MAP2K5: variants seen among roughly 807,000 people sequenced by gnomAD.
MAP2K5 encodes the protein dual specificity mitogen-activated protein kinase kinase 5.
A neutral mutation model predicts 83.1 loss-of-function variants in MAP2K5; 49 were observed. That is an observed-to-expected ratio of 0.59 (90% CI 0.47 to 0.75). MAP2K5 has a LOEUF of 0.75. MAP2K5 is among the 30% of genes least tolerant of loss of function. The probability of loss-of-function intolerance (pLI) is 0.00; values close to 1 mark genes in which losing one functional copy is unlikely to be tolerated. For missense variants in MAP2K5, 457 were observed against 557.5 expected, an observed-to-expected ratio of 0.82 and a Z score of 1.82; for synonymous variants, 202 against 191.8, an observed-to-expected ratio of 1.05 and a Z score of -0.44.
intron 1 of MAP2K5, chr15:67,546,510 G>A (rs1001515898): frequency 4.7e-5 from 39 of 834,464 alleles, no homozygotes; most frequent in African/African-American, 1.3e-4. Flanking sequence ...CAAGTCAGTC[G>A]GTCTCTCTGG....
rs1349702779 is a variant in MAP2K5 at position 67,637,323 on chromosome 15, T to G, written c.585+6396T>G. ...ACCCTGACTAATACAGAGATGGTATTTAGTTACTTTTGAATAATTTGATTC... is the reference window on the plus strand; with the variant it reads ...ACCCTGACTAATACAGAGATGGTATGTAGTTACTTTTGAATAATTTGATTC... On this transcript the variant is annotated intron_variant, in intron 9 of 21. Coordinates refer to ENST00000178640, the MANE Select transcript of MAP2K5 (RefSeq NM_145160.3). This position sits in a 1 kb window ranked among gnomAD's most constrained non-coding sequence, Gnocchi z 4.5. Among the ~76,000 whole-genome samples, 1 of 152,196 alleles carries G rather than the reference T, an allele frequency of 6.6e-6. No homozygotes were observed. The highest frequency in any genetic ancestry group is 1.5e-5 in the Non-Finnish European group (1 of 68,034).
chr15:67,681,801 G>A (rs1433067939), intron 13 of MAP2K5, among the ~76,000 whole-genome samples: 3 of 152,148 alleles, frequency 2.0e-5, no homozygotes, highest in Non-Finnish European at 4.4e-5. Flanking sequence ...CACCTCATTT[G>A]TATTTTCTTT....
intron 16 of MAP2K5, among the ~76,000 whole-genome samples, chr15:67,714,546 G>C (rs569399404): frequency 6.6e-6 from 1 of 151,758 alleles, no homozygotes; most frequent in South Asian, 2.1e-4. Flanking sequence ...TGGTCCGAGG[G>C]GTGACGGATG....
chr15:67,671,584 ATAAT>A (rs1303691059), intron 13 of MAP2K5, among the ~76,000 whole-genome samples: 1 of 152,224 alleles, frequency 6.6e-6, no homozygotes, highest in Non-Finnish European at 1.5e-5. Flanking sequence ...ATGAAGTATT[ATAAT>A]TAATAAGGAA....
chr15:67,622,530 A>AT lies in MAP2K5; in HGVS notation c.546-8347dup, dbSNP rs202246966. 6.0e-3 allele frequency among the ~76,000 whole-genome samples: 890 copies of AT among 148,274 alleles called. 8 individuals are homozygous for AT. The highest frequency in any genetic ancestry group is 0.018 in the African/African-American group (724 of 40,684). ...AAGTTAATGAATTAAATGCATGTGG[A>AT]TTTTTTTTTTTGTAAAACACTATCC... On this transcript the variant is annotated intron_variant, in intron 8 of 21. Transcript: ENST00000178640.
chr15:67,628,290 G>C (rs546933140), intron 8 of MAP2K5: 13 of 522,202 alleles, frequency 2.5e-5, no homozygotes, highest in South Asian at 1.7e-4. Context: ...GACCAGCCTG[G>C]CCAACATGGT....
rs527279016 is a variant in MAP2K5, at chr15:67,707,773, G to A, written c.1044+4365G>A. 8.5e-5 allele frequency among the ~76,000 whole-genome samples: 13 copies of A among 152,310 alleles called. No individual in the cohort carries two copies. The South Asian group carries it at 2.3e-3, about 27-fold the overall frequency. On this transcript the variant is annotated intron_variant, in intron 16 of 21. Transcript: ENST00000178640. ...TTGCCACTAGGAGAAAGAGGGAAAAGATAGAGGATCTCTTCCCCATTTCCC... is the reference window on the plus strand; with the variant it reads ...TTGCCACTAGGAGAAAGAGGGAAAAAATAGAGGATCTCTTCCCCATTTCCC...
intron 1 of MAP2K5, chr15:67,549,123 C>T: frequency 2.0e-6 from 3 of 1,535,388 alleles, no homozygotes; most frequent in Non-Finnish European, 2.6e-6. Flanking sequence ...GGGAGGGACA[C>T]TGTGGCAGAG....
rs975512069 is a variant in MAP2K5, at chr15:67,793,857, A to G, written c.1243-12789A>G. Among the ~76,000 whole-genome samples, 6 of 152,196 alleles carry G rather than the reference A, an allele frequency of 3.9e-5. No individual in the cohort carries two copies. The highest frequency in any genetic ancestry group is 2.6e-4 in the Admixed American group (4 of 15,284). On this transcript the variant is annotated intron_variant, in intron 21 of 21. Transcript: ENST00000178640. This position sits in a 1 kb window ranked among gnomAD's most constrained non-coding sequence, Gnocchi z 4.6. Reference sequence around the variant, plus strand: ...CAAACTGTTGAGGTTTTATTTTCTGAGAGGACCAAAGAGTCATGAATGTGC... The same window carrying G: ...CAAACTGTTGAGGTTTTATTTTCTGGGAGGACCAAAGAGTCATGAATGTGC...
intron 5 of MAP2K5, among the ~76,000 whole-genome samples, chr15:67,586,253 T>G (rs537157987): frequency 6.6e-6 from 1 of 152,338 alleles, no homozygotes; most frequent in Admixed American, 6.5e-5. Flanking sequence ...ATTAAGCACA[T>G]AAGCATATTG....
In MAP2K5 at chr15:67,747,977, T is replaced by C. The variant is rs927795390; in HGVS notation, c.1075-254T>C. Among the ~76,000 whole-genome samples the C allele has an allele frequency of 3.3e-5, 5 of 152,220 alleles. No individual in the cohort carries two copies. Among genetic ancestry groups the C allele is most frequent in the Admixed American group, 1.3e-4 (2 of 15,284 alleles). On this transcript the variant is annotated intron_variant, in intron 17 of 21. Coordinates refer to ENST00000178640, the MANE Select transcript of MAP2K5 (RefSeq NM_145160.3). This position sits in a 1 kb window ranked among gnomAD's most constrained non-coding sequence, Gnocchi z 4.1. ...ATCGTAAACAGCCTTTTGAAATGGA[T>C]TATGGTTTTTCTCCCTATTCTAATA...
At chr15:67,796,608 A>T (rs2090608892) in intron 21 of MAP2K5, among the ~76,000 whole-genome samples, 1 of 152,224 alleles carries the variant, frequency 6.6e-6, no homozygotes, top group African/African-American at 2.4e-5. Flanking sequence ...ATTGGTGATT[A>T]CATTTCAACA....
At chr15:67,567,589 C>T (rs547470163) in intron 3 of MAP2K5, among the ~76,000 whole-genome samples, 1 of 152,044 alleles carries the variant, frequency 6.6e-6, no homozygotes, top group African/African-American at 2.4e-5. Context: ...TGGTCTCGAT[C>T]TCCTGACCTC....
intron 13 of MAP2K5, among the ~76,000 whole-genome samples, chr15:67,683,788 C>T (rs2087881923): frequency 6.6e-6 from 1 of 152,136 alleles, no homozygotes; most frequent in Non-Finnish European, 1.5e-5. Context: ...AACAAACAAA[C>T]AGATACTTCT....
rs1010828828 is a variant in MAP2K5 at position 67,720,285 on chromosome 15, C to T, written c.1045-7631C>T. Among the ~76,000 whole-genome samples the T allele has an allele frequency of 1.6e-4, 25 of 151,696 alleles. No homozygotes were observed. Among genetic ancestry groups the T allele is most frequent in the African/African-American group, 5.3e-4 (22 of 41,164 alleles). ...ATACACACACATATGCTTATATATA[C>T]ATAAGTATACACATACATACACACA... On this transcript the variant is annotated intron_variant, in intron 16 of 21. Transcript: ENST00000178640. The surrounding 1 kb of genome is among the most constrained non-coding windows in gnomAD (Gnocchi z 5.7).
At chr15:67,773,920 C>A (rs767863391) in intron 21 of MAP2K5, among the ~76,000 whole-genome samples, 2 of 152,162 alleles carry the variant, frequency 1.3e-5, no homozygotes, top group African/African-American at 2.4e-5. Flanking sequence ...TATGCTATGG[C>A]TGGATAGCTC....
intron 8 of MAP2K5, among the ~76,000 whole-genome samples, chr15:67,626,400 T>C (rs1175772175): frequency 6.6e-6 from 1 of 151,952 alleles, no homozygotes; most frequent in Non-Finnish European, 1.5e-5. Flanking sequence ...GGTGGTGGGC[T>C]CCTGTAATCC....
rs576640735 is a variant in MAP2K5 at position 67,770,450 on chromosome 15, A to G, written c.1196+787A>G. Among the ~76,000 whole-genome samples, 1 of 152,276 alleles carries G rather than the reference A, an allele frequency of 6.6e-6. No homozygotes were observed. Among genetic ancestry groups the G allele is most frequent in the East Asian group, 1.9e-4 (1 of 5,180 alleles). ...CCTCTCCCTCACTCCAGCACAGAGA[A>G]TTACCTAGGAGAGAGGAGGAATTCA... is the stretch of plus-strand genomic sequence containing the variant. On this transcript the variant is annotated intron_variant, in intron 20 of 21. Transcript: ENST00000178640. The surrounding 1 kb of genome is among the most constrained non-coding windows in gnomAD (Gnocchi z 5.0).
chr15:67,635,299 C>T (rs1242032559), intron 9 of MAP2K5, among the ~76,000 whole-genome samples: 2 of 151,768 alleles, frequency 1.3e-5, no homozygotes, highest in African/African-American at 2.4e-5. Flanking sequence ...CTCAGCCTCC[C>T]GAGTAGCTGG....
Sources: allele counts gnomAD v4.1 joint callset (sites outside exome capture counted in the v4.1 genomes callset), GRCh38; gene constraint gnomAD v4.1.1; non-coding constraint Gnocchi (gnomAD v3.1); transcripts MANE v1.5; gene names NCBI Gene and HGNC (gene_info 2026-07-23, HGNC 2026-07-21).